Variants in UNC79 observed in about 807,000 individuals in gnomAD.
UNC79 encodes protein unc-79 homolog.
Under a neutral mutation model 283.1 loss-of-function variants are expected in UNC79, and 37 were observed. The ratio of observed to expected loss-of-function variants is 0.13; its 90% CI spans 0.10 to 0.17. The LOEUF (loss-of-function observed/expected upper bound fraction) is 0.17. Among genes scored for constraint, UNC79 ranks in the 10% least tolerant of loss-of-function variants. The pLI is 1.00. For missense variants in UNC79, 2,272 were observed against 3,211.1 expected, an observed-to-expected ratio of 0.71 and a Z score of 7.07; for synonymous variants, 1,107 against 1,200.2, an observed-to-expected ratio of 0.92 and a Z score of 1.61.
intron 18 of UNC79, among the ~76,000 whole-genome samples, chr14:93,579,602 G>A (rs1374943637): frequency 1.3e-5 from 2 of 152,064 alleles, no homozygotes; most frequent in Admixed American, 1.3e-4. Flanking sequence ...GTATTGTTCC[G>A]CATTTGGCCA....
Position 93,455,200 on chromosome 14 carries a change from C to G in UNC79, c.23-12471C>G, listed in dbSNP as rs544732444. Reference sequence around the variant, plus strand: ...CTACCTGTGTATCCTCTTCCACAACCCTTCATTTATGTCTTTTATGAGGTT... The same window carrying G: ...CTACCTGTGTATCCTCTTCCACAACGCTTCATTTATGTCTTTTATGAGGTT... On this transcript the variant is annotated intron_variant, in intron 1 of 48. Coordinates refer to ENST00000555664, the Ensembl canonical transcript of UNC79. 4.6e-5 allele frequency among the ~76,000 whole-genome samples: 7 copies of G among 152,218 alleles called. No homozygotes were observed. In the South Asian group the frequency reaches 1.2e-3, roughly 27 times the overall value.
intron 24 of UNC79, among the ~76,000 whole-genome samples, chr14:93,598,394 GTGTGTGTGTGTGT>G (rs2065239517): frequency 6.6e-6 from 1 of 151,818 alleles, no homozygotes; most frequent in African/African-American, 2.4e-5. Flanking sequence ...GTGTGTGTGT[GTGTGTGTGTGTGT>G]GTGGCAGATT....
chr14:93,509,105 T>C (rs1567024641), intron 7 of UNC79, among the ~76,000 whole-genome samples: 1 of 152,166 alleles, frequency 6.6e-6, no homozygotes, highest in Non-Finnish European at 1.5e-5. Context: ...CATCTTCACA[T>C]GGCTGGTGGG....
intron 5 of UNC79, among the ~76,000 whole-genome samples, chr14:93,492,475 T>G (rs974309317): frequency 6.6e-6 from 1 of 152,302 alleles, no homozygotes; most frequent in Middle Eastern, 3.4e-3. Context: ...TGCCTCAGCC[T>G]CCCCAGTATG....
chr14:93,377,096 C>CTTT (rs3059767), intron 1 of UNC79, among the ~76,000 whole-genome samples: 5 of 108,086 alleles, frequency 4.6e-5, no homozygotes, highest in African/African-American at 1.8e-4. Flanking sequence ...ATAGTTGTTT[C>CTTT]TTTTTTTTTT....
In UNC79 at chr14:93,395,378, G is replaced by A. The variant is rs149906562; in HGVS notation, c.-351+61855G>A. 4.8e-3 allele frequency among the ~76,000 whole-genome samples: 736 copies of A among 152,306 alleles called. 14 individuals carry two copies. The highest frequency in any genetic ancestry group is 0.038 in the Admixed American group (579 of 15,292). On this transcript the variant is annotated intron_variant, in intron 1 of 49. Coordinates refer to the UNC79 transcript ENST00000256339. ...GTTCCATAAGCTGTACAGGAAGCAT[G>A]GCTGGGAGGCCTCAGGAAACTCACA...
chr14:93,346,405 T>C (rs928053858), intron 1 of UNC79, among the ~76,000 whole-genome samples: 4 of 152,206 alleles, frequency 2.6e-5, no homozygotes, highest in African/African-American at 7.2e-5. Flanking sequence ...CCCAGTACTT[T>C]GGGAGGCTGA....
chr14:93,631,039 G>T, intron 31 of UNC79, 131 bp downstream of exon 33: 1 of 825,672 alleles, frequency 1.2e-6, no homozygotes, highest in Non-Finnish European at 1.9e-6. Context: ...CTTGGTGATA[G>T]TATGTTGTAT....
chr14:93,392,104 A>AT (rs1327843875), intron 1 of UNC79, among the ~76,000 whole-genome samples: 2 of 152,232 alleles, frequency 1.3e-5, no homozygotes, highest in African/African-American at 4.8e-5. Context: ...ATATATCCAC[A>AT]TATGCAATGG....
At chr14:93,388,367 T>A (rs910609695) in intron 1 of UNC79, among the ~76,000 whole-genome samples, 2 of 152,192 alleles carry the variant, frequency 1.3e-5, no homozygotes, top group Non-Finnish European at 2.9e-5. Context: ...CTTCTTTCCT[T>A]CCTTCCTCTC....
At chr14:93,346,368 C>T (rs532680514) in intron 1 of UNC79, among the ~76,000 whole-genome samples, 1 of 152,342 alleles carries the variant, frequency 6.6e-6, no homozygotes, top group African/African-American at 2.4e-5. Flanking sequence ...TCAAGAGGGT[C>T]TGGGCACAGT....
At chr14:93,506,472 T>A (rs12888831) in intron 7 of UNC79, among the ~76,000 whole-genome samples, 46,716 of 151,992 alleles carry the variant, frequency 0.31, 7,547 homozygotes, top group East Asian at 0.65. Flanking sequence ...TTTCATACTT[T>A]GAAGGTATTT....
intron 24 of UNC79, among the ~76,000 whole-genome samples, chr14:93,599,804 C>T (rs1012806534): frequency 2.6e-5 from 4 of 152,128 alleles, no homozygotes; most frequent in East Asian, 1.9e-4. Flanking sequence ...TTGCTTTTTT[C>T]GGAATCATGA....
At chr14:93,584,977 G>A (rs760736488) in intron 20 of UNC79, among the ~76,000 whole-genome samples, 5 of 151,970 alleles carry the variant, frequency 3.3e-5, no homozygotes, top group Non-Finnish European at 5.9e-5. Flanking sequence ...GATTACAGGC[G>A]TGAGCCACTG....
intron 1 of UNC79, among the ~76,000 whole-genome samples, chr14:93,414,449 G>A (rs2055407395): frequency 2.0e-5 from 3 of 152,288 alleles, no homozygotes; most frequent in Middle Eastern, 6.8e-3. Context: ...ATAGTTTGAA[G>A]TCAGGTAGCA....
chr14:93,639,758 G>C (rs887622322), intron 32 of UNC79, among the ~76,000 whole-genome samples: 1 of 152,170 alleles, frequency 6.6e-6, no homozygotes, highest in Admixed American at 6.5e-5. Context: ...CTTTTCAAAG[G>C]CTCAACACTA....
intron 14 of UNC79, among the ~76,000 whole-genome samples, chr14:93,559,942 T>C (rs1480196903): frequency 1.3e-5 from 2 of 152,026 alleles, no homozygotes; most frequent in South Asian, 4.2e-4. Context: ...TAATGGGCGA[T>C]GTTTCTCAGG....
chr14:93,537,967 A>G, intron 11 of UNC79, 22 bp from the exon 12 acceptor site: 3 of 1,593,832 alleles, frequency 1.9e-6, no homozygotes, highest in Non-Finnish European at 2.6e-6. Flanking sequence ...ATTTTAATTG[A>G]TTTCACTTTC....
At chr14:93,454,730 A>C (rs1040641533) in intron 1 of UNC79, among the ~76,000 whole-genome samples, 1 of 152,200 alleles carries the variant, frequency 6.6e-6, no homozygotes, top group Non-Finnish European at 1.5e-5. Context: ...ATTTATGTTG[A>C]TATATCAAAG....
Sources: gnomAD v4.1 joint callset for allele counts (sites outside exome capture counted in the v4.1 genomes callset) on GRCh38, gnomAD v4.1.1 for gene constraint, MANE v1.5 for transcripts, NCBI Gene and HGNC (gene_info 2026-07-23, HGNC 2026-07-21) for gene names.